Variants in AGBL4 observed in about 807,000 individuals in gnomAD.
AGBL4 encodes AGBL carboxypeptidase 4.
A neutral mutation model predicts 66.4 loss-of-function variants in AGBL4; 58 were observed. The observed-to-expected ratio is 0.87, with a 90% CI of 0.71 to 1.09. AGBL4 has a LOEUF of 1.09. Among genes scored for constraint, AGBL4 ranks in the 50% least tolerant of loss-of-function variants. AGBL4 has a pLI of 0.00. For synonymous variants in AGBL4, 234 were observed against 222.9 expected (o/e 1.05, Z -0.44); for missense variants, 579 against 631.0 (o/e 0.92, Z 0.88).
intron 5 of AGBL4, among the ~76,000 whole-genome samples, chr1:49,044,819 G>A (rs777359258): frequency 6.6e-6 from 1 of 152,196 alleles, no homozygotes; most frequent in Non-Finnish European, 1.5e-5. Flanking sequence ...GCAGCCTCTA[G>A]AAGCTGGAAA....
Position 49,938,401 on chromosome 1 carries a change from G to A in AGBL4, c.34+85362C>T, listed in dbSNP as rs534986919. 6.6e-5 allele frequency among the ~76,000 whole-genome samples: 10 copies of A among 152,184 alleles called. No individual in the cohort carries two copies. The South Asian group carries it at 1.2e-3, about 19-fold the overall frequency. ...TCCAGGACCAGATGGATTCACAGCC[G>A]AATTCTACCAGAGGTACAAGGAGGA... On this transcript the variant is annotated intron_variant, in intron 1 of 13. Transcript: ENST00000371839.
At chr1:49,347,439 G>A (rs2148514354) in intron 3 of AGBL4, among the ~76,000 whole-genome samples, 1 of 151,858 alleles carries the variant, frequency 6.6e-6, no homozygotes, top group South Asian at 2.1e-4. Flanking sequence ...CTTTAGTAGA[G>A]ACGGGGTTTC....
chr1:50,019,612 C>G (rs1198080264), intron 1 of AGBL4, among the ~76,000 whole-genome samples: 1 of 151,968 alleles, frequency 6.6e-6, no homozygotes, highest in East Asian at 1.9e-4. Context: ...AAAATAGACC[C>G]ATTTATTTCA....
chr1:49,759,922 G>A (rs987742318), intron 2 of AGBL4, among the ~76,000 whole-genome samples: 7 of 152,150 alleles, frequency 4.6e-5, no homozygotes, highest in African/African-American at 9.7e-5. Flanking sequence ...ATAATGACAG[G>A]AAGGAAATCA....
chr1:49,414,003 T>C lies in AGBL4; in HGVS notation c.283-168139A>G, dbSNP rs574552294. On this transcript the variant is annotated intron_variant, in intron 3 of 13. Coordinates refer to ENST00000371839, the MANE Select transcript of AGBL4 (RefSeq NM_032785.4). ...AAAACAAAAAAAATCAGAATCTCTTTATTAGGCAGGATCATAAAGGTCTTA... is the reference window on the plus strand; with the variant it reads ...AAAACAAAAAAAATCAGAATCTCTTCATTAGGCAGGATCATAAAGGTCTTA... Among the ~76,000 whole-genome samples, 53 of 152,248 alleles carry C rather than the reference T, an allele frequency of 3.5e-4. 1 individual carries two copies. The highest frequency in any genetic ancestry group is 1.3e-3 in the African/African-American group (52 of 41,548).
At chr1:48,569,418 G>A (rs1462689617) in intron 11 of AGBL4, among the ~76,000 whole-genome samples, 1 of 152,170 alleles carries the variant, frequency 6.6e-6, no homozygotes, top group African/African-American at 2.4e-5. Flanking sequence ...AACCCAGAGC[G>A]GGAAAATGGA....
chr1:48,588,162 C>G (rs1416102974), intron 10 of AGBL4, among the ~76,000 whole-genome samples: 1 of 152,140 alleles, frequency 6.6e-6, no homozygotes, highest in Non-Finnish European at 1.5e-5. Context: ...TGATACAGCA[C>G]AAATCTGAAT....
intron 4 of AGBL4, chr1:49,187,703 T>C (rs1647039653): frequency 6.6e-6 from 1 of 152,172 alleles, no homozygotes; most frequent in South Asian, 2.1e-4. Context: ...GGCCCTTCAC[T>C]ATGCGGCTCA....
At chr1:49,275,522 G>A (rs1012632940) in intron 3 of AGBL4, among the ~76,000 whole-genome samples, 3 of 152,094 alleles carry the variant, frequency 2.0e-5, no homozygotes, top group Non-Finnish European at 4.4e-5. Flanking sequence ...TATGCAAATA[G>A]TCATGCCAAG....
intron 3 of AGBL4, among the ~76,000 whole-genome samples, chr1:49,658,977 G>C (rs895859450): frequency 5.3e-5 from 8 of 151,932 alleles, no homozygotes; most frequent in African/African-American, 1.9e-4. Context: ...CCTGCATGCT[G>C]TGTACATGTA....
At chr1:49,377,522 T>C (rs1483406104) in intron 3 of AGBL4, among the ~76,000 whole-genome samples, 1 of 152,052 alleles carries the variant, frequency 6.6e-6, no homozygotes. Flanking sequence ...TCACATGTCA[T>C]TCCCTACTAC....
At chr1:49,109,324 C>T (rs1645360659) in intron 4 of AGBL4, among the ~76,000 whole-genome samples, 1 of 152,186 alleles carries the variant, frequency 6.6e-6, no homozygotes, top group Non-Finnish European at 1.5e-5. Context: ...CTGTCTGCCT[C>T]AACTGGAAGG....
At chr1:49,588,127 G>T (rs1644684975) in intron 3 of AGBL4, among the ~76,000 whole-genome samples, 1 of 152,062 alleles carries the variant, frequency 6.6e-6, no homozygotes. Context: ...GCTGTTCCAG[G>T]CCACTATGTC....
chr1:49,725,215 A>G (rs1319394430), intron 2 of AGBL4, among the ~76,000 whole-genome samples: 1 of 152,188 alleles, frequency 6.6e-6, no homozygotes. Flanking sequence ...CTATGTTAAT[A>G]TATGTATCTC....
chr1:49,740,333 T>C (rs923256733), intron 2 of AGBL4, among the ~76,000 whole-genome samples: 1 of 151,950 alleles, frequency 6.6e-6, no homozygotes, highest in African/African-American at 2.4e-5. Flanking sequence ...AGGGAACAAT[T>C]CAACAGGAAG....
At chr1:49,615,901 A>C (rs10888663) in intron 3 of AGBL4, among the ~76,000 whole-genome samples, 14,062 of 152,162 alleles carry the variant, frequency 0.092, 855 homozygotes, top group African/African-American at 0.16. Flanking sequence ...TCCCTTAGCT[A>C]GAAAAGAAAA....
intron 1 of AGBL4, among the ~76,000 whole-genome samples, chr1:49,992,338 C>T (rs1443359658): frequency 6.6e-6 from 1 of 150,640 alleles, no homozygotes; most frequent in Admixed American, 6.6e-5. Flanking sequence ...CGCCACTGCA[C>T]TCCAGCCTGG....
At chr1:49,906,964 A>G (rs943612348) in intron 1 of AGBL4, among the ~76,000 whole-genome samples, 2 of 152,116 alleles carry the variant, frequency 1.3e-5, no homozygotes, top group African/African-American at 4.8e-5. Flanking sequence ...GGGCCATTAT[A>G]TATTTTTTCT....
intron 9 of AGBL4, among the ~76,000 whole-genome samples, chr1:48,602,724 C>T (rs563450327): frequency 6.7e-5 from 10 of 149,850 alleles, no homozygotes; most frequent in South Asian, 2.2e-4. Context: ...GCTGGAAGAG[C>T]GAAAACAGGA....
Sources: gnomAD v4.1 joint callset for allele counts (sites outside exome capture counted in the v4.1 genomes callset) on GRCh38, gnomAD v4.1.1 for gene constraint, MANE v1.5 for transcripts, NCBI Gene and HGNC (gene_info 2026-07-23, HGNC 2026-07-21) for gene names.